The following FOXO3 variants were observed in gnomAD, a reference collection of about 807,000 sequenced individuals.
FOXO3 encodes the protein forkhead box O3.
Under a neutral mutation model 41.9 loss-of-function variants are expected in FOXO3, and 4 were observed. The observed-to-expected ratio is 0.10, with a 90% CI of 0.05 to 0.22. FOXO3 has a LOEUF of 0.22. FOXO3 is among the 10% of genes least tolerant of loss of function. FOXO3 has a pLI of 1.00. For synonymous variants in FOXO3, 318 were observed against 389.3 expected (o/e 0.82, Z 2.16); for missense variants, 534 against 906.8 (o/e 0.59, Z 5.28).
intron 1 of FOXO3, among the ~76,000 whole-genome samples, chr6:108,662,089 A>G (rs749047206): frequency 2.0e-5 from 3 of 152,078 alleles, no homozygotes; most frequent in Non-Finnish European, 4.4e-5. Context: ...TCCATCCAGC[A>G]TACCATATTA....
At chr6:108,565,622 A>G (rs1582726119) in intron 1 of FOXO3, among the ~76,000 whole-genome samples, 1 of 152,068 alleles carries the variant, frequency 6.6e-6, no homozygotes, top group Admixed American at 6.5e-5. Flanking sequence ...AGTGTGGGGG[A>G]TACTGTGTTA....
At chr6:108,644,635 C>G (rs1391763927) in intron 1 of FOXO3, among the ~76,000 whole-genome samples, 1 of 152,120 alleles carries the variant, frequency 6.6e-6, no homozygotes, top group Non-Finnish European at 1.5e-5. Flanking sequence ...TGCATGACTC[C>G]CATGAGAAAC....
In FOXO3 at chr6:108,663,658, G is replaced by T; in HGVS notation, c.825G>T (p.Gln275His). Reference sequence around the variant, plus strand: ...CAGCCAAGAAGAAGGCAGCCCTGCAGACAGCCCCCGAATCAGCTGACGACA... The same window carrying T: ...CAGCCAAGAAGAAGGCAGCCCTGCATACAGCCCCCGAATCAGCTGACGACA... ...GRAAKKKAALQTAPESADDSP... is the reference protein window; with the variant it reads ...GRAAKKKAALHTAPESADDSP... The change falls in exon 2 of 3, where the codon CAG (glutamine) becomes CAT (histidine). Residue 275 changes from glutamine to histidine, a missense_variant. Coordinates refer to ENST00000406360, the MANE Select transcript of FOXO3 (RefSeq NM_001455.4). 6.2e-7 allele frequency: 1 copy of T among 1,613,072 alleles called. No individual in the cohort carries two copies. The highest frequency in any genetic ancestry group is 1.1e-5 in the South Asian group (1 of 90,980).
intron 1 of FOXO3, chr6:108,639,656 AAAAT>A (rs1778203137): frequency 1.5e-5 from 11 of 726,556 alleles, no homozygotes; most frequent in South Asian, 6.2e-5. Context: ...CCCCCTGCTG[AAAAT>A]AAATAAATAA....
At chr6:108,568,204 C>CCT (rs1193552839) in intron 1 of FOXO3, among the ~76,000 whole-genome samples, 1 of 150,660 alleles carries the variant, frequency 6.6e-6, no homozygotes, top group African/African-American at 2.5e-5. Flanking sequence ...AGAGTGAGAC[C>CCT]CTCTCTCTCT....
chr6:108,577,905 G>A (rs1364897475), intron 1 of FOXO3, among the ~76,000 whole-genome samples: 1 of 152,136 alleles, frequency 6.6e-6, no homozygotes, highest in African/African-American at 2.4e-5. Flanking sequence ...TAATATAAAT[G>A]CATGTGATGT....
chr6:108,622,827 A>T (rs1035913522), intron 1 of FOXO3, among the ~76,000 whole-genome samples: 1 of 151,540 alleles, frequency 6.6e-6, no homozygotes, highest in Non-Finnish European at 1.5e-5. Context: ...CTCATTTTGC[A>T]TGATGTCTGC....
intron 1 of FOXO3, among the ~76,000 whole-genome samples, chr6:108,569,961 A>G (rs574855434): frequency 1.0e-4 from 15 of 145,114 alleles, no homozygotes; most frequent in Non-Finnish European, 2.3e-4. Flanking sequence ...GGGTGGAAGA[A>G]TCCACATCAT....
intron 1 of FOXO3, among the ~76,000 whole-genome samples, chr6:108,639,832 T>C (rs1778208614): frequency 6.6e-6 from 1 of 152,220 alleles, no homozygotes; most frequent in Admixed American, 6.5e-5. Flanking sequence ...CTGTAGATTT[T>C]ACTTTCTAAA....
At chr6:108,596,579 C>T (rs1326325896) in intron 1 of FOXO3, among the ~76,000 whole-genome samples, 2 of 151,952 alleles carry the variant, frequency 1.3e-5, no homozygotes, top group Non-Finnish European at 2.9e-5. Flanking sequence ...AAATGGAAAT[C>T]GGAGATGGGT....
chr6:108,633,939 A>G (rs979135018), intron 1 of FOXO3, among the ~76,000 whole-genome samples: 4 of 152,094 alleles, frequency 2.6e-5, no homozygotes, highest in African/African-American at 9.7e-5. Flanking sequence ...TATATCACAT[A>G]CTTGCTAGCA....
chr6:108,586,464 T>C (rs935416361), intron 1 of FOXO3, among the ~76,000 whole-genome samples: 2 of 152,066 alleles, frequency 1.3e-5, no homozygotes, highest in African/African-American at 4.8e-5. Context: ...TCCTCAGTGA[T>C]GTATCTATGT....
chr6:108,613,135 A>G (rs1777408777), intron 1 of FOXO3, among the ~76,000 whole-genome samples: 1 of 152,242 alleles, frequency 6.6e-6, no homozygotes, highest in Admixed American at 6.5e-5. Context: ...TGTTACCATG[A>G]GATTCAAGTA....
intron 1 of FOXO3, among the ~76,000 whole-genome samples, chr6:108,568,806 G>A (rs963959448): frequency 1.3e-5 from 2 of 152,166 alleles, no homozygotes; most frequent in African/African-American, 4.8e-5. Flanking sequence ...AGATGATGCT[G>A]TGCTATCTGG....
At chr6:108,675,660 T>C (rs1340391119) in intron 2 of FOXO3, among the ~76,000 whole-genome samples, 1 of 152,214 alleles carries the variant, frequency 6.6e-6, no homozygotes, top group Non-Finnish European at 1.5e-5. Flanking sequence ...AAGTGGTGTT[T>C]CACTTTATTT....
chr6:108,617,827 T>C (rs1392279654), intron 1 of FOXO3, among the ~76,000 whole-genome samples: 1 of 152,194 alleles, frequency 6.6e-6, no homozygotes, highest in Non-Finnish European at 1.5e-5. Flanking sequence ...TGTGCACATA[T>C]ACCAGTTACT....
intron 1 of FOXO3, among the ~76,000 whole-genome samples, chr6:108,651,894 G>T (rs1023222376): frequency 4.6e-5 from 7 of 152,196 alleles, no homozygotes; most frequent in African/African-American, 1.7e-4. Flanking sequence ...CATATTTTAA[G>T]ATTCACATAG....
At chr6:108,602,945 A>G (rs911624499) in intron 1 of FOXO3, among the ~76,000 whole-genome samples, 4 of 152,212 alleles carry the variant, frequency 2.6e-5, no homozygotes, top group African/African-American at 9.6e-5. Context: ...TGAAAGGAAT[A>G]AGATAGGGTT....
At chr6:108,678,924 T>C (rs1285328600) in intron 2 of FOXO3, among the ~76,000 whole-genome samples, 2 of 128,370 alleles carry the variant, frequency 1.6e-5, no homozygotes, top group Non-Finnish European at 3.2e-5. Flanking sequence ...CAGGCTGGAG[T>C]GCAGTGGTGC....
Sources: allele counts gnomAD v4.1 joint callset (sites outside exome capture counted in the v4.1 genomes callset), GRCh38; gene constraint gnomAD v4.1.1; transcripts MANE v1.5; gene names NCBI Gene and HGNC (gene_info 2026-07-23, HGNC 2026-07-21).